Variants in PTPRD observed in about 807,000 individuals in gnomAD.
The protein encoded by PTPRD is protein tyrosine phosphatase receptor type D.
In PTPRD, 34 loss-of-function variants were observed where a neutral mutation model predicts 214.5. That is an observed-to-expected ratio of 0.16 (90% CI 0.12 to 0.21). The LOEUF (loss-of-function observed/expected upper bound fraction) is 0.21. PTPRD is among the 10% of genes least tolerant of loss of function. The probability of loss-of-function intolerance (pLI) is 1.00; values close to 1 mark genes in which losing one functional copy is unlikely to be tolerated. For synonymous variants in PTPRD, 1,128 were observed against 845.7 expected (o/e 1.33, Z -5.79); for missense variants, 2,545 against 2,398.7 (o/e 1.06, Z -1.27).
At chr9:9,370,201 C>A (rs1596501042) in intron 9 of PTPRD, among the ~76,000 whole-genome samples, 1 of 152,062 alleles carries the variant, frequency 6.6e-6, no homozygotes, top group East Asian at 1.9e-4. Flanking sequence ...TTACTTTGGG[C>A]AGTATGGCCA....
chr9:9,573,133 G>C (rs1431081274), intron 8 of PTPRD, among the ~76,000 whole-genome samples: 1 of 151,572 alleles, frequency 6.6e-6, no homozygotes, highest in African/African-American at 2.4e-5. Flanking sequence ...TTAATAATTT[G>C]GTCTATTCAC....
chr9:10,387,548 G>A (rs900441314), intron 2 of PTPRD, among the ~76,000 whole-genome samples: 3 of 151,728 alleles, frequency 2.0e-5, no homozygotes, highest in East Asian at 3.9e-4. Flanking sequence ...TCCTCCCTGG[G>A]AAATTACATT....
At chr9:10,017,075 T>A (rs539493061) in intron 4 of PTPRD, among the ~76,000 whole-genome samples, 1 of 152,318 alleles carries the variant, frequency 6.6e-6, no homozygotes, top group Admixed American at 6.5e-5. Context: ...ACTGTTCCAA[T>A]CTACATTCCC....
intron 11 of PTPRD, among the ~76,000 whole-genome samples, chr9:8,848,874 C>T (rs1229864029): frequency 7.4e-6 from 1 of 135,070 alleles, no homozygotes; most frequent in East Asian, 2.1e-4. Context: ...ATAATAAAAC[C>T]ATCTGACTTA....
intron 8 of PTPRD, among the ~76,000 whole-genome samples, chr9:9,427,501 C>G (rs940129996): frequency 1.3e-5 from 2 of 151,544 alleles, no homozygotes; most frequent in African/African-American, 4.9e-5. Context: ...AGGATATTAT[C>G]CAGGAGAACT....
At chr9:10,271,699 C>T (rs550312725) in intron 3 of PTPRD, among the ~76,000 whole-genome samples, 2 of 151,988 alleles carry the variant, frequency 1.3e-5, no homozygotes, top group African/African-American at 4.8e-5. Context: ...TCTGCCACCA[C>T]ACCCGGCTAA....
At chr9:9,763,464 C>G (rs1158261251) in intron 6 of PTPRD, among the ~76,000 whole-genome samples, 1 of 147,964 alleles carries the variant, frequency 6.8e-6, no homozygotes, top group Non-Finnish European at 1.5e-5. Context: ...TAAGAACAGT[C>G]TTCTTTAAAA....
chr9:9,330,981 T>G (rs1273497142), intron 9 of PTPRD, among the ~76,000 whole-genome samples: 1 of 151,972 alleles, frequency 6.6e-6, no homozygotes, highest in Non-Finnish European at 1.5e-5. Flanking sequence ...AAATAAATGT[T>G]AATGAACAGA....
intron 7 of PTPRD, among the ~76,000 whole-genome samples, chr9:9,669,393 G>C (rs1268634001): frequency 6.6e-6 from 1 of 152,114 alleles, no homozygotes; most frequent in Non-Finnish European, 1.5e-5. Flanking sequence ...CTATCACTAG[G>C]AAATTGATAT....
At chr9:8,958,750 A>C (rs940818120) in intron 11 of PTPRD, 2 of 151,960 alleles carry the variant, frequency 1.3e-5, no homozygotes, top group African/African-American at 4.8e-5. Flanking sequence ...GTCTCTCAGC[A>C]TTTCTCACTG....
intron 10 of PTPRD, among the ~76,000 whole-genome samples, chr9:9,173,666 T>TA (rs1366962904): frequency 6.6e-6 from 1 of 152,060 alleles, no homozygotes; most frequent in Non-Finnish European, 1.5e-5. Context: ...TATCTAAACA[T>TA]AGAAAAGGTA....
At chr9:10,303,950 G>C (rs569570741) in intron 3 of PTPRD, among the ~76,000 whole-genome samples, 1 of 152,050 alleles carries the variant, frequency 6.6e-6, no homozygotes, top group Non-Finnish European at 1.5e-5. Flanking sequence ...ACCCGGAAGA[G>C]ACACAACAAA....
chr9:9,059,998 C>A (rs1226591328), intron 10 of PTPRD, among the ~76,000 whole-genome samples: 1 of 152,088 alleles, frequency 6.6e-6, no homozygotes, highest in Non-Finnish European at 1.5e-5. Context: ...AAATTTAATG[C>A]AATTCCAATA....
At chr9:9,588,129 T>A (rs528063193) in intron 7 of PTPRD, among the ~76,000 whole-genome samples, 24 of 151,870 alleles carry the variant, frequency 1.6e-4, no homozygotes, top group African/African-American at 5.5e-4. Context: ...TAAACTATCA[T>A]GTATTAATAA....
chr9:10,219,225 G>C (rs1044458493), intron 3 of PTPRD, among the ~76,000 whole-genome samples: 1 of 151,720 alleles, frequency 6.6e-6, no homozygotes, highest in African/African-American at 2.4e-5. Context: ...ACCCTCAATA[G>C]CATGTAAAGG....
intron 3 of PTPRD, among the ~76,000 whole-genome samples, chr9:10,043,616 C>T (rs571212967): frequency 6.6e-5 from 10 of 151,660 alleles, no homozygotes; most frequent in Non-Finnish European, 7.4e-5. Context: ...TAGTTTAGGT[C>T]CACAATTCAG....
At chr9:10,449,321 G>A (rs1008852927) in intron 2 of PTPRD, among the ~76,000 whole-genome samples, 26 of 152,054 alleles carry the variant, frequency 1.7e-4, no homozygotes, top group Middle Eastern at 3.4e-3. Context: ...GATTGCAGAC[G>A]GAGTCTCGCT....
chr9:9,826,091 G>A (rs2052728231), intron 5 of PTPRD, among the ~76,000 whole-genome samples: 1 of 151,564 alleles, frequency 6.6e-6, no homozygotes, highest in African/African-American at 2.4e-5. Context: ...AGGGACTCCT[G>A]CTTGTATGTT....
At chr9:9,723,957 AGATTCT>A (rs1395701145) in intron 7 of PTPRD, among the ~76,000 whole-genome samples, 2 of 152,052 alleles carry the variant, frequency 1.3e-5, no homozygotes, top group Non-Finnish European at 2.9e-5. Flanking sequence ...CTAGAGATAG[AGATTCT>A]TTCCAATGTG....
Sources: gnomAD v4.1 joint callset for allele counts (sites outside exome capture counted in the v4.1 genomes callset) on GRCh38, gnomAD v4.1.1 for gene constraint, MANE v1.5 for transcripts, NCBI Gene and HGNC (gene_info 2026-07-23, HGNC 2026-07-21) for gene names.